Variants in ZNF385D observed in about 807,000 individuals in gnomAD.
The protein encoded by ZNF385D is zinc finger protein 385D.
ZNF385D carries 15 observed loss-of-function variants against 35.8 expected under a neutral mutation model. The observed-to-expected ratio is 0.42, with a 90% CI of 0.28 to 0.64. The LOEUF (loss-of-function observed/expected upper bound fraction) is 0.64. Ranked by LOEUF, ZNF385D falls within the 30% of genes least tolerant of loss-of-function variation. The probability of loss-of-function intolerance (pLI) is 0.23; values close to 1 mark genes in which losing one functional copy is unlikely to be tolerated. For synonymous variants in ZNF385D, 212 were observed against 186.8 expected, an observed-to-expected ratio of 1.13 and a Z score of -1.10; for missense variants, 474 against 494.6, an observed-to-expected ratio of 0.96 and a Z score of 0.39.
At chr3:22,364,970 T>C (rs1044691902) in intron 2 of ZNF385D, among the ~76,000 whole-genome samples, 1 of 151,810 alleles carries the variant, frequency 6.6e-6, no homozygotes, top group African/African-American at 2.4e-5. Flanking sequence ...AATCAAGTTA[T>C]GTGAAATAAG....
chr3:22,066,461 CGT>C (rs10627614), intron 3 of ZNF385D, among the ~76,000 whole-genome samples: 94 of 98,102 alleles, frequency 9.6e-4, no homozygotes, highest in East Asian at 1.9e-3. Context: ...GATGGTTCCC[CGT>C]GTGTGTGTGT....
In ZNF385D at chr3:21,936,883, G is replaced by C. The variant is rs537606360; in HGVS notation, c.325+231934C>G. Among the ~76,000 whole-genome samples the C allele has an allele frequency of 1.1e-3, 171 of 152,276 alleles. 1 individual carries two copies. The highest frequency in any genetic ancestry group is 3.9e-3 in the African/African-American group (162 of 41,562). ...TAGAAATTAAAGGTTAGGAATAGTTGTAACTAGGTTAGCAGTGAATTGCTA... is the reference window on the plus strand; with the variant it reads ...TAGAAATTAAAGGTTAGGAATAGTTCTAACTAGGTTAGCAGTGAATTGCTA... On this transcript the variant is annotated intron_variant, in intron 3 of 5. Transcript: ENST00000494108.
intron 2 of ZNF385D, among the ~76,000 whole-genome samples, chr3:22,185,354 G>T (rs1695558577): frequency 6.6e-6 from 1 of 152,146 alleles, no homozygotes; most frequent in African/African-American, 2.4e-5. Flanking sequence ...AACTATTATT[G>T]CAGGCTTAAT....
chr3:21,780,966 T>C (rs2071466156), intron 3 of ZNF385D, among the ~76,000 whole-genome samples: 1 of 152,022 alleles, frequency 6.6e-6, no homozygotes. Context: ...TCTCCAAGTT[T>C]AGAGCTGACA....
intron 2 of ZNF385D, among the ~76,000 whole-genome samples, chr3:22,296,643 T>A (rs11915776): frequency 0.081 from 12,289 of 152,128 alleles, 1,307 homozygotes; most frequent in African/African-American, 0.25. Flanking sequence ...TGAAGGACCT[T>A]CAGCTAGTGG....
chr3:21,976,760 A>G (rs190614367), intron 3 of ZNF385D, among the ~76,000 whole-genome samples: 1 of 152,332 alleles, frequency 6.6e-6, no homozygotes, highest in East Asian at 1.9e-4. Flanking sequence ...TGGGAAGCCA[A>G]GGCATGCAGA....
intron 1 of ZNF385D, among the ~76,000 whole-genome samples, chr3:21,739,082 A>C (rs542993143): frequency 2.1e-4 from 32 of 152,296 alleles, no homozygotes; most frequent in African/African-American, 7.5e-4. Context: ...ATTTGACAGG[A>C]GGTGAGGGAA....
intron 3 of ZNF385D, among the ~76,000 whole-genome samples, chr3:22,102,498 T>C (rs1701991829): frequency 6.6e-6 from 1 of 152,044 alleles, no homozygotes; most frequent in Admixed American, 6.6e-5. Context: ...GTACAATATT[T>C]TAACTCAAGA....
intron 3 of ZNF385D, among the ~76,000 whole-genome samples, chr3:21,956,888 C>T (rs1702318978): frequency 6.6e-6 from 1 of 151,812 alleles, no homozygotes; most frequent in Non-Finnish European, 1.5e-5. Context: ...TTAACCTTAC[C>T]TTCAAGTTTA....
intron 3 of ZNF385D, chr3:21,849,572 G>A (rs972515021): frequency 2.2e-5 from 3 of 136,304 alleles, no homozygotes; most frequent in African/African-American, 8.1e-5. Context: ...ATAGAATTTG[G>A]TTATATTTCC....
intron 3 of ZNF385D, among the ~76,000 whole-genome samples, chr3:22,019,004 C>G (rs554688240): frequency 1.2e-4 from 16 of 138,428 alleles, no homozygotes; most frequent in Non-Finnish European, 2.2e-4. Context: ...TTCTTTACCA[C>G]TTCCCAGTTT....
chr3:21,995,937 T>C (rs954121872), intron 3 of ZNF385D, among the ~76,000 whole-genome samples: 2 of 152,068 alleles, frequency 1.3e-5, no homozygotes, highest in Non-Finnish European at 2.9e-5. Context: ...TGTAGGATAC[T>C]GTGTGGGCTA....
At chr3:21,718,781 G>A (rs1559549026) in intron 1 of ZNF385D, among the ~76,000 whole-genome samples, 1 of 152,274 alleles carries the variant, frequency 6.6e-6, no homozygotes, top group East Asian at 1.9e-4. Context: ...AACCTGAATG[G>A]AGAATGTTCA....
chr3:22,279,969 A>T (rs1228313292), intron 2 of ZNF385D, among the ~76,000 whole-genome samples: 1 of 152,026 alleles, frequency 6.6e-6, no homozygotes, highest in South Asian at 2.1e-4. Flanking sequence ...TTTTAAAATT[A>T]TGGCCATTCT....
intron 3 of ZNF385D, among the ~76,000 whole-genome samples, chr3:21,559,256 G>A (rs1192333109): frequency 6.6e-6 from 1 of 152,136 alleles, no homozygotes; most frequent in East Asian, 1.9e-4. Flanking sequence ...TTTCCTCATA[G>A]TGTCGATGGT....
intron 1 of ZNF385D, among the ~76,000 whole-genome samples, chr3:21,686,049 A>G (rs2067092846): frequency 1.3e-5 from 2 of 152,218 alleles, no homozygotes; most frequent in Non-Finnish European, 2.9e-5. Context: ...ACAAAGGCAA[A>G]TTGAAACAGT....
chr3:22,281,673 G>A (rs1251915526), intron 2 of ZNF385D, among the ~76,000 whole-genome samples: 1 of 151,716 alleles, frequency 6.6e-6, no homozygotes, highest in East Asian at 1.9e-4. Context: ...TTGCATCTAT[G>A]TTCATCAGGA....
intron 2 of ZNF385D, among the ~76,000 whole-genome samples, chr3:22,234,852 T>G (rs1189947526): frequency 6.6e-6 from 1 of 152,086 alleles, no homozygotes; most frequent in Non-Finnish European, 1.5e-5. Context: ...TGCATCTGAA[T>G]AGTATTTCAT....
chr3:21,468,452 A>G (rs182933777), intron 4 of ZNF385D, among the ~76,000 whole-genome samples: 8 of 151,070 alleles, frequency 5.3e-5, no homozygotes, highest in African/African-American at 1.9e-4. Context: ...GAGTATAATT[A>G]TACATAAAAG....
Sources: allele counts gnomAD v4.1 joint callset (sites outside exome capture counted in the v4.1 genomes callset), GRCh38; gene constraint gnomAD v4.1.1; transcripts MANE v1.5; gene names NCBI Gene and HGNC (gene_info 2026-07-23, HGNC 2026-07-21).